The following NRXN1 variants were observed in gnomAD, a reference collection of about 807,000 sequenced individuals.
NRXN1 encodes neurexin-1.
In NRXN1, 39 loss-of-function variants were observed where a neutral mutation model predicts 150.9. The ratio of observed to expected loss-of-function variants is 0.26; its 90% CI spans 0.20 to 0.34. The LOEUF is 0.34. NRXN1 is among the 10% of genes least tolerant of loss of function. The pLI is 1.00. For synonymous variants in NRXN1, 924 were observed against 757.0 expected (o/e 1.22, Z -3.62); for missense variants, 1,815 against 1,949.9 (o/e 0.93, Z 1.30).
chr2:49,926,307 G>T (rs540019975), intron 22 of NRXN1: 5 of 398,270 alleles, frequency 1.3e-5, no homozygotes, highest in Non-Finnish European at 2.2e-5. Flanking sequence ...CCACTGAAAA[G>T]TAGTTTTTAA....
intron 17 of NRXN1, among the ~76,000 whole-genome samples, chr2:50,262,301 C>T (rs1382207506): frequency 6.6e-6 from 1 of 151,848 alleles, no homozygotes; most frequent in Non-Finnish European, 1.5e-5. Flanking sequence ...GGGATAAGCA[C>T]TGCTAGCAGT....
chr2:50,812,902 A>G (rs1379787855), intron 5 of NRXN1, among the ~76,000 whole-genome samples: 1 of 152,036 alleles, frequency 6.6e-6, no homozygotes, highest in Non-Finnish European at 1.5e-5. Flanking sequence ...TTTGTTTGAT[A>G]CTTTTGTAAT....
intron 8 of NRXN1, among the ~76,000 whole-genome samples, chr2:50,559,994 T>A (rs977461491): frequency 6.6e-6 from 1 of 152,208 alleles, no homozygotes; most frequent in Non-Finnish European, 1.5e-5. Flanking sequence ...TATTTTATGA[T>A]TAAATGAAAG....
At chr2:50,329,453 T>C (rs2152982239) in intron 17 of NRXN1, among the ~76,000 whole-genome samples, 1 of 150,726 alleles carries the variant, frequency 6.6e-6, no homozygotes, top group African/African-American at 2.4e-5. Flanking sequence ...TAAAGAAACA[T>C]ACAGAGGAGG....
chr2:49,963,858 G>C (rs1573084037), intron 21 of NRXN1, among the ~76,000 whole-genome samples: 1 of 152,156 alleles, frequency 6.6e-6, no homozygotes, highest in Non-Finnish European at 1.5e-5. Context: ...TTAAATAGTG[G>C]GAGGAATTAT....
chr2:50,960,787 C>T (rs565513354), intron 2 of NRXN1, among the ~76,000 whole-genome samples: 14 of 151,896 alleles, frequency 9.2e-5, no homozygotes, highest in Non-Finnish European at 8.8e-5. Flanking sequence ...AAGATGTAAA[C>T]GTTTAACCAA....
chr2:50,204,308 TAA>T (rs1198159383), intron 18 of NRXN1, among the ~76,000 whole-genome samples: 2 of 151,548 alleles, frequency 1.3e-5, no homozygotes, highest in Admixed American at 1.3e-4. Context: ...TAACAAAAAA[TAA>T]AGTTATTTGA....
chr2:50,623,305 C>A lies in NRXN1; in HGVS notation c.1134+9G>T, dbSNP rs202149707. 4.3e-6 allele frequency: 7 copies of A among 1,609,512 alleles called. No homozygotes were observed. Among genetic ancestry groups the A allele is most frequent in the Admixed American group, 1.7e-5 (1 of 59,776 alleles). ...AAGCCAGTTACTCTCTTATCCACTG[C>A]GCTGTTACCTGACGCAGATTCCTGG... On this transcript the variant is annotated intron_variant, in intron 6 of 22. Transcript: ENST00000401669.
intron 5 of NRXN1, among the ~76,000 whole-genome samples, chr2:50,707,640 T>C (rs1559150426): frequency 6.6e-6 from 1 of 152,170 alleles, no homozygotes; most frequent in Non-Finnish European, 1.5e-5. Flanking sequence ...ATATCCAGAC[T>C]GGACTGCAGA....
chr2:50,358,913 GC>G, intron 17 of NRXN1, among the ~76,000 whole-genome samples: 2 of 152,208 alleles, frequency 1.3e-5, no homozygotes, highest in Non-Finnish European at 2.9e-5. Flanking sequence ...CTGTTCCACA[GC>G]CTCCACTGGT....
At chr2:49,979,398 G>A (rs1048323123) in intron 21 of NRXN1, among the ~76,000 whole-genome samples, 3 of 152,202 alleles carry the variant, frequency 2.0e-5, no homozygotes, top group South Asian at 4.1e-4. Flanking sequence ...ATTAAGGCAC[G>A]GAGAGCCTTT....
intron 18 of NRXN1, among the ~76,000 whole-genome samples, chr2:50,218,092 T>A (rs2063528082): frequency 6.6e-6 from 1 of 152,092 alleles, no homozygotes; most frequent in Non-Finnish European, 1.5e-5. Flanking sequence ...TTCACTCTTC[T>A]TTCTTATATG....
intron 17 of NRXN1, among the ~76,000 whole-genome samples, chr2:50,464,805 A>T (rs1437525636): frequency 6.6e-6 from 1 of 151,948 alleles, no homozygotes; most frequent in Non-Finnish European, 1.5e-5. Flanking sequence ...AGTTAATTCC[A>T]TCTTCAAACC....
intron 18 of NRXN1, among the ~76,000 whole-genome samples, chr2:50,223,816 G>C (rs2064111588): frequency 6.6e-6 from 1 of 151,936 alleles, no homozygotes; most frequent in African/African-American, 2.4e-5. Context: ...AGTAGGTCAA[G>C]ACATTGAGGC....
intron 2 of NRXN1, 75 bp downstream of exon 2, chr2:51,027,427 A>T: frequency 7.1e-7 from 1 of 1,414,324 alleles, no homozygotes; most frequent in Non-Finnish European, 9.2e-7. Context: ...GGAAGACCCC[A>T]TGCACCAGCC....
At chr2:50,556,287 G>A (rs1668243085) in intron 8 of NRXN1, among the ~76,000 whole-genome samples, 1 of 152,056 alleles carries the variant, frequency 6.6e-6, no homozygotes, top group African/African-American at 2.4e-5. Context: ...AAATTCATGT[G>A]TAAGCTATTT....
rs546345066 is a variant in NRXN1 at position 50,143,902 on chromosome 2, C to G, written c.3547-52408G>C. 1.3e-4 allele frequency among the ~76,000 whole-genome samples: 19 copies of G among 151,946 alleles called. No homozygotes were observed. The South Asian group carries it at 1.7e-3, about 13-fold the overall frequency. ...TCCACAGAATGTATGCTAATTCTAA[C>G]GTTACCCGTATAGAATACTAAAAAA... On this transcript the variant is annotated intron_variant, in intron 18 of 22. Coordinates refer to ENST00000401669, the MANE Select transcript of NRXN1 (RefSeq NM_001330078.2).
At chr2:50,135,632 A>G (rs1445402380) in intron 18 of NRXN1, among the ~76,000 whole-genome samples, 2 of 152,136 alleles carry the variant, frequency 1.3e-5, no homozygotes, top group Non-Finnish European at 2.9e-5. Flanking sequence ...CAGAGCTTGC[A>G]GTGAGCTGAG....
chr2:50,510,165 A>G (rs1045364331), intron 12 of NRXN1, among the ~76,000 whole-genome samples: 1 of 152,182 alleles, frequency 6.6e-6, no homozygotes, highest in Non-Finnish European at 1.5e-5. Context: ...AGACTAACAC[A>G]GTGGGCAATA....
Sources: gnomAD v4.1 joint callset for allele counts (sites outside exome capture counted in the v4.1 genomes callset) on GRCh38, gnomAD v4.1.1 for gene constraint, MANE v1.5 for transcripts, NCBI Gene and HGNC (gene_info 2026-07-23, HGNC 2026-07-21) for gene names.